The following CYP4A22 variants were observed in gnomAD, a reference collection of about 807,000 sequenced individuals.
CYP4A22 encodes the protein cytochrome P450 family 4 subfamily A member 22.
CYP4A22 carries 46 observed loss-of-function variants against 56.2 expected under a neutral mutation model. The observed-to-expected ratio is 0.82, with a 90% CI of 0.65 to 1.05. The LOEUF is 1.05. Among genes scored for constraint, CYP4A22 ranks in the 50% least tolerant of loss-of-function variants. The pLI, the probability that CYP4A22 is intolerant of heterozygous loss-of-function variation, is 0.00. For missense variants in CYP4A22, 541 were observed against 645.9 expected (o/e 0.84, Z 1.76); for synonymous variants, 193 against 251.1 (o/e 0.77, Z 2.19).
Position 47,140,759 on chromosome 1 carries a change from TC to T in CYP4A22, c.196-20del. On this transcript the variant is annotated intron_variant, in intron 1 of 11. Transcript: ENST00000371891. The stretch of plus-strand genomic sequence containing the variant: ...GACTAGAAGTAAATGAAAGTGTTCA[TC>T]TGTCTACCCTCGTTGACAGTTCCAA... 1 of 1,613,704 alleles carries T rather than the reference TC, an allele frequency of 6.2e-7. No individual in the cohort carries two copies.
chr1:47,147,313 C>T, intron 11 of CYP4A22: 2 of 985,394 alleles, frequency 2.0e-6, no homozygotes, highest in Non-Finnish European at 2.4e-6. Context: ...ATTTCTAGCT[C>T]AGAACTAATA....
At chr1:47,143,639 G>A (rs1236164548) in intron 5 of CYP4A22, 123 bp from the exon 6 acceptor site, 3 of 1,391,642 alleles carry the variant, frequency 2.2e-6, no homozygotes, top group African/African-American at 1.5e-5. Context: ...CTGTAAGATA[G>A]AAGAAACATT....
chr1:47,146,255 T>A (rs965642196), intron 11 of CYP4A22, 102 bp downstream of exon 11: 1 of 1,602,282 alleles, frequency 6.2e-7, no homozygotes, highest in African/African-American at 1.3e-5. Context: ...CATCTTCAGG[T>A]GTGCTCTTAA....
In CYP4A22 at chr1:47,149,471, T is replaced by C. The variant is rs906861390; in HGVS notation, c.*674T>C. Reference sequence around the variant, plus strand: ...GAGCTCGGGGCCTTCACAGCCTCCATACTTAGCTTTGGCGCCCTGGACCCA... The same window carrying C: ...GAGCTCGGGGCCTTCACAGCCTCCACACTTAGCTTTGGCGCCCTGGACCCA... On this transcript the variant is annotated 3_prime_UTR_variant, in exon 12 of 12. Transcript: ENST00000371891. 3 of 152,292 alleles carry C rather than the reference T, an allele frequency of 2.0e-5. No homozygotes were observed. The highest frequency in any genetic ancestry group is 7.2e-5 in the African/African-American group (3 of 41,460). The allele number at this position is 152,292 out of a possible 1,614,324, so 9.4% of individuals were successfully genotyped here.
chr1:47,147,802 A>G (rs1645092031), intron 11 of CYP4A22, among the ~76,000 whole-genome samples: 1 of 152,184 alleles, frequency 6.6e-6, no homozygotes, highest in Non-Finnish European at 1.5e-5. Context: ...GCAAGAGCCC[A>G]CGGAGGGCTT....
At chr1:47,147,969 A>C (rs1645093780) in intron 11 of CYP4A22, among the ~76,000 whole-genome samples, 1 of 152,174 alleles carries the variant, frequency 6.6e-6, no homozygotes, top group Non-Finnish European at 1.5e-5. Flanking sequence ...ACGTTTCTGG[A>C]GTAGAGTTAG....
In CYP4A22 at chr1:47,141,599, C is replaced by A. The variant is rs756026269; in HGVS notation, c.366C>A (p.Phe122Leu). ...CGAAATCCCATGGATCCTACAAATT[C>A]CTGGCTCCACGGATTGGTATGTGTG... is the stretch of plus-strand genomic sequence containing the variant. ...SDPKSHGSYK[F>L]LAPRIGYGLL... Residue 122 changes from phenylalanine to leucine, a missense_variant, in exon 3 of 12, where the codon TTC becomes TTA. By Grantham distance (22) the Phe-to-Leu change is conservative (BLOSUM62 0). Transcript: ENST00000371891. 2 of 1,613,668 alleles carry A rather than the reference C, an allele frequency of 1.2e-6. No homozygotes were observed. The highest frequency in any genetic ancestry group is 1.3e-5 in the African/African-American group (1 of 74,918).
Position 47,144,934 on chromosome 1 carries a change from C to A in CYP4A22, c.1186C>A (p.Pro396Thr). The change falls in exon 9 of 12, where the codon CCC becomes ACC. Residue 396 changes from proline to threonine, a missense_variant. Physicochemically the swap from Pro to Thr is conservative, Grantham distance 38. Transcript: ENST00000371891. ...AGGCATTGGAAGAGAGCTCAGCACT[C>A]CCGTCACCTTCCCTGATGGGCGCTC... The part of the protein sequence containing the change: ...VPGIGRELST[P>T]VTFPDGRSLP... The A allele has an allele frequency of 1.2e-6, 2 of 1,614,180 alleles. No individual in the cohort carries two copies. Among genetic ancestry groups the A allele is most frequent in the Non-Finnish European group, 1.7e-6 (2 of 1,180,030 alleles).
chr1:47,144,621 C>G lies in CYP4A22; in HGVS notation c.969C>G (p.His323Gln), dbSNP rs968322. Reference protein sequence around the residue: ...AEVDTFMFEGHDTTASGISWI... With the variant: ...AEVDTFMFEGQDTTASGISWI... Reference sequence around the variant, plus strand: ...TGGACACGTTCATGTTTGAGGGCCACGACACCACAGCCAGTGGGATCTCCT... The same window carrying G: ...TGGACACGTTCATGTTTGAGGGCCAGGACACCACAGCCAGTGGGATCTCCT... Residue 323 changes from histidine (H) to glutamine (Q), a missense_variant, in exon 8 of 12, where the codon CAC becomes CAG. By Grantham distance (24) the His-to-Gln change is conservative (BLOSUM62 0). This residue lies in a region of CYP4A22 where 204 missense variants were observed against 258.9 expected (regional missense o/e 0.79). Coordinates refer to ENST00000371891, the MANE Select transcript of CYP4A22 (RefSeq NM_001010969.4). The G allele has an allele frequency of 1.3e-6, 2 of 1,538,376 alleles. No homozygotes were observed. Among genetic ancestry groups the G allele is most frequent in the Admixed American group, 3.6e-5 (2 of 55,980 alleles).
intron 11 of CYP4A22, chr1:47,147,291 T>C (rs1645087105): frequency 2.0e-6 from 2 of 985,326 alleles, no homozygotes; most frequent in South Asian, 4.7e-5. Context: ...CCGGAGAGCA[T>C]TCCTAAGCTC....
At chr1:47,141,055 C>T in intron 2 of CYP4A22, 134 bp downstream of exon 2, 1 of 1,376,308 alleles carries the variant, frequency 7.3e-7, no homozygotes, top group Non-Finnish European at 9.8e-7. Flanking sequence ...CCACCAAGCC[C>T]ACCATGCCCA....
At chr1:47,143,531 T>C in intron 5 of CYP4A22, 138 bp downstream of exon 5, 2 of 1,494,208 alleles carry the variant, frequency 1.3e-6, no homozygotes, top group South Asian at 1.4e-5. Flanking sequence ...CTAATTCCTG[T>C]CCAGACCAAA....
chr1:47,141,575 G>A lies in CYP4A22; in HGVS notation c.342G>A (p.Pro114=), dbSNP rs537019487. Residue 114 remains proline, a synonymous_variant, in exon 3 of 12, where the codon CCG becomes CCA. Coordinates refer to ENST00000371891, the MANE Select transcript of CYP4A22 (RefSeq NM_001010969.4). ...YMKVILGRSD[P]KSHGSYKFLA... ...AAGCCCTTTCTTACTTTTCAGACCCGAAATCCCATGGATCCTACAAATTCC... is the reference window on the plus strand; with the variant it reads ...AAGCCCTTTCTTACTTTTCAGACCCAAAATCCCATGGATCCTACAAATTCC... The A allele has an allele frequency of 6.8e-5, 110 of 1,613,462 alleles. 2 individuals carry two copies. The South Asian group carries it at 9.9e-4, about 15-fold the overall frequency.
intron 2 of CYP4A22, 53 bp from the exon 3 acceptor site, chr1:47,141,518 A>G: frequency 6.3e-7 from 1 of 1,591,642 alleles, no homozygotes; most frequent in Non-Finnish European, 8.6e-7. Flanking sequence ...TGCCTCTGAG[A>G]CTGCCTTCTT....
intron 11 of CYP4A22, chr1:47,147,551 T>G (rs532717348): frequency 1.0e-5 from 6 of 592,002 alleles, no homozygotes; most frequent in South Asian, 7.6e-5. Flanking sequence ...ACTGAGTGGC[T>G]TGTTGAGTGT....
At chr1:47,146,177 G>A (rs911908) in intron 11 of CYP4A22, 24 bp downstream of exon 11, 1 of 1,613,420 alleles carries the variant, frequency 6.2e-7, no homozygotes, top group East Asian at 2.2e-5. Flanking sequence ...TGTGGTAATT[G>A]GAATAGAGAA....
rs540636031 is a variant in CYP4A22 at position 47,148,652 on chromosome 1, C to G, written c.1415C>G (p.Ala472Gly). 1.5e-5 allele frequency: 24 copies of G among 1,613,912 alleles called. No individual in the cohort carries two copies. The Admixed American group carries it at 2.5e-4, about 17-fold the overall frequency. Residue 472 changes from alanine to glycine, a missense_variant, in exon 12 of 12, where the codon GCC becomes GGC. Coordinates refer to ENST00000371891, the MANE Select transcript of CYP4A22 (RefSeq NM_001010969.4). ...FAMNQLKVAR[A>G]LTLLRFELLP... ...ATGAACCAGCTGAAGGTGGCCAGGG[C>G]CCTGACCCTGCTCCGCTTTGAGCTG...
intron 4 of CYP4A22, among the ~76,000 whole-genome samples, chr1:47,142,957 C>A (rs1025104039): frequency 2.0e-5 from 3 of 152,182 alleles, no homozygotes; most frequent in South Asian, 2.1e-4. Context: ...CCCAGAACAA[C>A]AATAACAACA....
intron 5 of CYP4A22, 31 bp from the exon 6 acceptor site, chr1:47,143,731 A>G: frequency 6.3e-7 from 1 of 1,580,432 alleles, no homozygotes; most frequent in Non-Finnish European, 8.6e-7. Flanking sequence ...GCCCACCCCT[A>G]CTGCGGTCTC....
Sources: gnomAD v4.1 joint callset for allele counts (sites outside exome capture counted in the v4.1 genomes callset) on GRCh38, gnomAD v4.1.1 for gene constraint, gnomAD v4.1.1 regional missense constraint, MANE v1.5 for transcripts, NCBI Gene and HGNC (gene_info 2026-07-23, HGNC 2026-07-21) for gene names.